TSPAN5: variants seen among roughly 807,000 people sequenced by gnomAD.
The protein encoded by TSPAN5 is tetraspanin-5.
Under a neutral mutation model 37.1 loss-of-function variants are expected in TSPAN5, and 10 were observed. That is an observed-to-expected ratio of 0.27 (90% CI 0.17 to 0.46). TSPAN5 has a LOEUF of 0.46. Ranked by LOEUF, TSPAN5 falls within the 20% of genes least tolerant of loss-of-function variation. The probability of loss-of-function intolerance (pLI) is 1.00; values close to 1 mark genes in which losing one functional copy is unlikely to be tolerated. For missense variants in TSPAN5, 195 were observed against 326.6 expected, an observed-to-expected ratio of 0.60 and a Z score of 3.11; for synonymous variants, 110 against 118.9, an observed-to-expected ratio of 0.93 and a Z score of 0.48.
intron 1 of TSPAN5, among the ~76,000 whole-genome samples, chr4:98,631,863 C>T (rs1382215663): frequency 6.6e-6 from 1 of 152,112 alleles, no homozygotes; most frequent in Admixed American, 6.5e-5. Context: ...CCATAATAGG[C>T]CTTAGAAACC....
chr4:98,548,889 GTGTGTGTGTGT>G (rs1560532772), intron 1 of TSPAN5, among the ~76,000 whole-genome samples: 7 of 146,856 alleles, frequency 4.8e-5, no homozygotes, highest in Non-Finnish European at 9.1e-5. Context: ...ATTCCAAGGT[GTGTGTGTGTGT>G]GTGTGTGTGT....
chr4:98,579,906 A>G (rs1755331529), intron 1 of TSPAN5, among the ~76,000 whole-genome samples: 1 of 152,228 alleles, frequency 6.6e-6, no homozygotes, highest in African/African-American at 2.4e-5. Flanking sequence ...TAGATGCTGA[A>G]TAGATTTTTT....
At chr4:98,592,436 T>TG (rs1460077129) in intron 1 of TSPAN5, among the ~76,000 whole-genome samples, 12 of 147,658 alleles carry the variant, frequency 8.1e-5, no homozygotes, top group African/African-American at 2.3e-4. Flanking sequence ...TTGTTTTTTT[T>TG]TTTTTTTTTT....
chr4:98,486,854 C>G lies in TSPAN5; in HGVS notation c.163G>C (p.Asp55His), dbSNP rs1159301750. 6.2e-7 allele frequency: 1 copy of G among 1,613,992 alleles called. No homozygotes were observed. Among genetic ancestry groups the G allele is most frequent in the Non-Finnish European group, 8.5e-7 (1 of 1,179,996 alleles). ...CAAACTGGGTCAAAGCCGCCGAGAT[C>G]GGTGATGGAAGAGATGTTGGACAGA... Reference protein sequence around the residue: ...GVLSNISSITDLGGFDPVWLF... With the variant: ...GVLSNISSITHLGGFDPVWLF... Residue 55 changes from aspartate to histidine, a missense_variant, in exon 3 of 8, where the codon GAT becomes CAT. Coordinates refer to ENST00000305798, the MANE Select transcript of TSPAN5 (RefSeq NM_005723.4).
chr4:98,619,666 G>GAA (rs1756436470), intron 1 of TSPAN5, among the ~76,000 whole-genome samples: 1 of 152,198 alleles, frequency 6.6e-6, no homozygotes, highest in Non-Finnish European at 1.5e-5. Flanking sequence ...AGAGCACCGT[G>GAA]AAGGAACACA....
At chr4:98,520,077 GAA>G (rs1282175909) in intron 1 of TSPAN5, among the ~76,000 whole-genome samples, 1 of 152,182 alleles carries the variant, frequency 6.6e-6, no homozygotes, top group Non-Finnish European at 1.5e-5. Flanking sequence ...TAGTCTGGAG[GAA>G]AGAGGATCAA....
chr4:98,627,031 A>G (rs3941), intron 1 of TSPAN5, among the ~76,000 whole-genome samples: 87,970 of 151,762 alleles, frequency 0.58, 26,841 homozygotes, highest in African/African-American at 0.77. Context: ...TTAATGAAGC[A>G]TTGTAAGAGA....
At chr4:98,520,953 A>G (rs999988014) in intron 1 of TSPAN5, among the ~76,000 whole-genome samples, 81 of 147,194 alleles carry the variant, frequency 5.5e-4, no homozygotes, top group African/African-American at 1.9e-3. Flanking sequence ...GGTGGGGGGG[A>G]TAGAGTCTCG....
intron 1 of TSPAN5, among the ~76,000 whole-genome samples, chr4:98,598,231 C>G (rs1235001064): frequency 7.0e-6 from 1 of 142,000 alleles, no homozygotes; most frequent in African/African-American, 2.8e-5. Flanking sequence ...TTCTTTGACT[C>G]GGAAAGGGAA....
At chr4:98,477,523 G>A (rs192647458) in intron 5 of TSPAN5, among the ~76,000 whole-genome samples, 1 of 152,274 alleles carries the variant, frequency 6.6e-6, no homozygotes, top group Non-Finnish European at 1.5e-5. Flanking sequence ...GAGGGGTAAG[G>A]GCGAGCCTTG....
intron 1 of TSPAN5, among the ~76,000 whole-genome samples, chr4:98,522,930 C>T (rs1250192759): frequency 6.6e-6 from 1 of 152,210 alleles, no homozygotes; most frequent in African/African-American, 2.4e-5. Context: ...AACATCAGCA[C>T]TGCATACTAA....
intron 7 of TSPAN5, 97 bp downstream of exon 7, chr4:98,476,092 T>C: frequency 1.1e-6 from 1 of 878,404 alleles, no homozygotes; most frequent in Non-Finnish European, 1.9e-6. Context: ...TCTTAAAAAC[T>C]ATGACAATCA....
At chr4:98,643,808 T>C (rs536708364) in intron 1 of TSPAN5, among the ~76,000 whole-genome samples, 94 of 152,338 alleles carry the variant, frequency 6.2e-4, no homozygotes, top group African/African-American at 2.2e-3. Context: ...CAAAAGAACT[T>C]GGTACCAAAG....
Position 98,533,652 on chromosome 4 carries a change from A to G in TSPAN5, c.82-25924T>C, listed in dbSNP as rs1169083473. Among the ~76,000 whole-genome samples the G allele has an allele frequency of 9.2e-5, 13 of 141,354 alleles. 1 individual carries two copies. The highest frequency in any genetic ancestry group is 3.4e-4 in the African/African-American group (13 of 37,844). 92.7% of individuals were successfully genotyped at this position (141,354 alleles called of 152,430 possible). A position where few individuals can be genotyped will look rare whatever the true frequency, so the allele number is the denominator to read the frequency against. ...TGCAAGCTCTGCCTCCCGGGTTCAC[A>G]CTATTCTCCTGCCTCAGCCTCCCAA... On this transcript the variant is annotated intron_variant, in intron 1 of 7. Transcript: ENST00000305798.
At chr4:98,562,063 G>A (rs1047670928) in intron 1 of TSPAN5, among the ~76,000 whole-genome samples, 7 of 152,160 alleles carry the variant, frequency 4.6e-5, no homozygotes, top group Admixed American at 2.0e-4. Context: ...TGAGTCTCCA[G>A]TGCCTAGAAC....
At chr4:98,510,298 T>C (rs575020482) in intron 1 of TSPAN5, among the ~76,000 whole-genome samples, 68 of 152,264 alleles carry the variant, frequency 4.5e-4, no homozygotes, top group African/African-American at 1.6e-3. Context: ...TAAATTCCCC[T>C]TTGCTCCCAT....
At position 98,610,296 on chromosome 4, in the gene TSPAN5, G is replaced by C. The variant is rs1000586349; in HGVS notation, c.81+47850C>G. On this transcript the variant is annotated intron_variant, in intron 1 of 7. Coordinates refer to ENST00000305798, the MANE Select transcript of TSPAN5 (RefSeq NM_005723.4). ...AATCAGCACTAATCCCCTCATGAGG[G>C]GGAGCCCTGATGACCTAAACACCTC... Among the ~76,000 whole-genome samples the C allele has an allele frequency of 1.6e-4, 25 of 152,156 alleles. 1 individual carries two copies. Among genetic ancestry groups the C allele is most frequent in the Non-Finnish European group, 4.4e-5 (3 of 68,012 alleles).
At chr4:98,536,299 G>C (rs894224035) in intron 1 of TSPAN5, among the ~76,000 whole-genome samples, 8 of 152,136 alleles carry the variant, frequency 5.3e-5, no homozygotes, top group Admixed American at 3.9e-4. Context: ...GAGTTTGCTA[G>C]AGATCCACTC....
chr4:98,632,575 A>C (rs1461892105), intron 1 of TSPAN5, among the ~76,000 whole-genome samples: 1 of 152,146 alleles, frequency 6.6e-6, no homozygotes. Context: ...GCACTTCGAA[A>C]ACCCTGCCCT....
Sources: allele counts gnomAD v4.1 joint callset (sites outside exome capture counted in the v4.1 genomes callset), GRCh38; gene constraint gnomAD v4.1.1; transcripts MANE v1.5; gene names NCBI Gene and HGNC (gene_info 2026-07-23, HGNC 2026-07-21).